Variants in SLC24A2 observed in about 807,000 individuals in gnomAD.
SLC24A2 encodes the protein sodium/potassium/calcium exchanger 2.
A neutral mutation model predicts 62.0 loss-of-function variants in SLC24A2; 36 were observed. The ratio of observed to expected loss-of-function variants is 0.58; its 90% CI spans 0.44 to 0.77. The LOEUF is 0.77. Among genes scored for constraint, SLC24A2 ranks in the 30% least tolerant of loss-of-function variants. The probability of loss-of-function intolerance (pLI) is 0.00; values close to 1 mark genes in which losing one functional copy is unlikely to be tolerated. For missense variants in SLC24A2, 846 were observed against 817.9 expected (o/e 1.03, Z -0.42); for synonymous variants, 358 against 294.0 (o/e 1.22, Z -2.23).
At chr9:19,943,994 G>A in the SLC24A2 span, among the ~76,000 whole-genome samples, 1 of 152,088 alleles carries the variant, frequency 6.6e-6, no homozygotes, top group South Asian at 2.1e-4. Flanking sequence ...AGGAATATAA[G>A]CAAATTAATG....
chr9:19,659,244 G>T (rs1819024442), intron 2 of SLC24A2, among the ~76,000 whole-genome samples: 1 of 152,150 alleles, frequency 6.6e-6, no homozygotes, highest in Non-Finnish European at 1.5e-5. Context: ...GTGAACACCA[G>T]AAGCTAAGAA....
At chr9:19,707,387 T>C (rs975765132) in intron 2 of SLC24A2, among the ~76,000 whole-genome samples, 1 of 152,120 alleles carries the variant, frequency 6.6e-6, no homozygotes, top group Non-Finnish European at 1.5e-5. Context: ...AAAGAGGGAA[T>C]CCTCCCTAAC....
At chr9:20,019,145 GAAAGAAAGAA>G in the SLC24A2 span, among the ~76,000 whole-genome samples, 113 of 84,924 alleles carry the variant, frequency 1.3e-3, 4 homozygotes, top group Middle Eastern at 5.1e-3. Context: ...AAGAAAGAAA[GAAAGAAAGAA>G]AGAGAGAGAG....
chr9:19,727,553 G>C (rs561299354), intron 2 of SLC24A2, among the ~76,000 whole-genome samples: 1 of 152,286 alleles, frequency 6.6e-6, no homozygotes, highest in East Asian at 1.9e-4. Flanking sequence ...CCCTGCAGGA[G>C]CTCAGACACT....
intron 10 of SLC24A2, among the ~76,000 whole-genome samples, chr9:19,520,241 T>G (rs1833126819): frequency 6.6e-6 from 1 of 152,232 alleles, no homozygotes; most frequent in Non-Finnish European, 1.5e-5. Flanking sequence ...ATGTTAAGTT[T>G]ATTTGTCAGA....
chr9:20,092,159 G>A, the SLC24A2 span, among the ~76,000 whole-genome samples: 1 of 152,162 alleles, frequency 6.6e-6, no homozygotes, highest in Non-Finnish European at 1.5e-5. Context: ...CTTAGTACCT[G>A]GTGATGAAAT....
At chr9:19,959,399 A>T in the SLC24A2 span, among the ~76,000 whole-genome samples, 1 of 152,234 alleles carries the variant, frequency 6.6e-6, no homozygotes, top group Non-Finnish European at 1.5e-5. Flanking sequence ...CTTATGTATA[A>T]GAGTCAAGCG....
chr9:19,738,497 A>G (rs1821575786), intron 2 of SLC24A2, among the ~76,000 whole-genome samples: 1 of 152,196 alleles, frequency 6.6e-6, no homozygotes, highest in African/African-American at 2.4e-5. Context: ...TTTAACCAAA[A>G]CAATAAAGCA....
the SLC24A2 span, among the ~76,000 whole-genome samples, chr9:19,952,005 T>C: frequency 6.6e-6 from 1 of 152,136 alleles, no homozygotes; most frequent in Non-Finnish European, 1.5e-5. Context: ...TAATTTCCTT[T>C]GGCAATGTTT....
chr9:19,607,048 A>G (rs201063957), intron 4 of SLC24A2, among the ~76,000 whole-genome samples: 1 of 151,496 alleles, frequency 6.6e-6, no homozygotes, highest in Non-Finnish European at 1.5e-5. Flanking sequence ...ATTCAACCTC[A>G]TGAAGTGAGG....
the SLC24A2 span, among the ~76,000 whole-genome samples, chr9:20,199,921 G>C: frequency 7.0e-6 from 1 of 143,250 alleles, no homozygotes; most frequent in African/African-American, 2.6e-5. Context: ...TATAGAGACA[G>C]GGTTTCACGA....
In SLC24A2 at chr9:19,782,958, T is replaced by C. The variant is rs548686971; in HGVS notation, c.930+2979A>G. ...CTCTTCACTGTGTCATGATGGTATATAACTTTTTAAAAAGGGTAGTAGCAT... is the reference window on the plus strand; with the variant it reads ...CTCTTCACTGTGTCATGATGGTATACAACTTTTTAAAAAGGGTAGTAGCAT... On this transcript the variant is annotated intron_variant, in intron 2 of 10. Coordinates refer to ENST00000341998, the MANE Select transcript of SLC24A2 (RefSeq NM_020344.4). 5.3e-5 allele frequency among the ~76,000 whole-genome samples: 8 copies of C among 152,254 alleles called. No homozygotes were observed. In the East Asian group the frequency reaches 9.6e-4, roughly 18 times the overall value.
chr9:20,063,575 T>C, the SLC24A2 span, among the ~76,000 whole-genome samples: 3 of 151,990 alleles, frequency 2.0e-5, no homozygotes, highest in Non-Finnish European at 2.9e-5. Flanking sequence ...CGCATCAGCA[T>C]GGCACATGTA....
At chr9:19,690,216 C>T (rs1000635367) in intron 2 of SLC24A2, among the ~76,000 whole-genome samples, 9 of 152,094 alleles carry the variant, frequency 5.9e-5, no homozygotes, top group African/African-American at 9.7e-5. Context: ...CACACACACA[C>T]TTCTCCTATT....
chr9:19,776,138 G>T (rs1275172013), intron 2 of SLC24A2, among the ~76,000 whole-genome samples: 1 of 152,072 alleles, frequency 6.6e-6, no homozygotes, highest in Non-Finnish European at 1.5e-5. Context: ...ATTTACATGG[G>T]GCATGGTCAA....
rs1263110409 is a variant in SLC24A2, at chr9:19,513,162, ATATATATATATATG to A, written c.*2977_*2990del. 1.1e-3 allele frequency: 67 copies of A among 60,504 alleles called. 1 individual carries two copies. The highest frequency in any genetic ancestry group is 7.4e-3 in the East Asian group (12 of 1,626). 3.7% of individuals were successfully genotyped at this position (60,504 alleles called of 1,614,324 possible). A position where few individuals can be genotyped will look rare whatever the true frequency, so the allele number is the denominator to read the frequency against. ...ATAGATCTGGTATAAAGATATATAT[ATATATATATATATG>A]TATATATATATATATGTATATATTT... On this transcript the variant is annotated 3_prime_UTR_variant, in exon 11 of 11. Transcript: ENST00000341998.
At chr9:20,294,207 C>T in the SLC24A2 span, among the ~76,000 whole-genome samples, 1 of 152,122 alleles carries the variant, frequency 6.6e-6, no homozygotes, top group East Asian at 1.9e-4. Context: ...CTGTAGGCTG[C>T]ACCCTGCTGG....
At chr9:19,943,152 G>C in the SLC24A2 span, among the ~76,000 whole-genome samples, 1 of 152,130 alleles carries the variant, frequency 6.6e-6, no homozygotes, top group East Asian at 1.9e-4. Context: ...TCTAAGTGCA[G>C]TGCCCTACAA....
At chr9:20,279,293 GGCTGAGGCA>G in the SLC24A2 span, among the ~76,000 whole-genome samples, 1 of 152,162 alleles carries the variant, frequency 6.6e-6, no homozygotes, top group Non-Finnish European at 1.5e-5. Flanking sequence ...CACTTTGGGA[GGCTGAGGCA>G]GGTGGATCAC....
Sources: allele counts gnomAD v4.1 joint callset (sites outside exome capture counted in the v4.1 genomes callset), GRCh38; gene constraint gnomAD v4.1.1; transcripts MANE v1.5; gene names NCBI Gene and HGNC (gene_info 2026-07-23, HGNC 2026-07-21).